CA11: variants seen among roughly 807,000 people sequenced by gnomAD.
CA11 encodes the protein carbonic anhydrase 11 (inactive), also known as carbonic anhydrase-related protein 11.
CA11 carries 20 observed loss-of-function variants against 39.3 expected under a neutral mutation model. The ratio of observed to expected loss-of-function variants is 0.51; its 90% CI spans 0.36 to 0.74. CA11 has a LOEUF of 0.74. Among genes scored for constraint, CA11 ranks in the 30% least tolerant of loss-of-function variants. CA11 has a pLI of 0.00. For missense variants in CA11, 336 were observed against 424.6 expected (o/e 0.79, Z 1.83); for synonymous variants, 166 against 172.5 (o/e 0.96, Z 0.29).
chr19:48,645,749 A>C lies in CA11; in HGVS notation c.-117T>G. ...GACTTCCAGCTTTCCTCTCCTCCCC[A>C]CAGGGAGTCCCAGTTCCCCAAATGC... On this transcript the variant is annotated 5_prime_UTR_variant, in exon 1 of 9. Coordinates refer to ENST00000084798, the MANE Select transcript of CA11 (RefSeq NM_001217.5). The C allele has an allele frequency of 3.8e-6, 3 of 788,984 alleles. No homozygotes were observed. The highest frequency in any genetic ancestry group is 5.6e-6 in the Non-Finnish European group (3 of 531,022). 48.9% of individuals were successfully genotyped at this position (788,984 alleles called of 1,614,324 possible).
chr19:48,639,305 C>T lies in CA11; in HGVS notation c.795G>A (p.Gln265=). ...IDRALNITSL[Q]MHSLRLLSQN... ...AAGGGCGGTGCGGACAGAGGGTCACCTGAAGGGAGGTGATATTGAGGGCCC... is the reference window on the plus strand; with the variant it reads ...AAGGGCGGTGCGGACAGAGGGTCACTTGAAGGGAGGTGATATTGAGGGCCC... The change falls in exon 7 of 9, where the codon CAG becomes CAA. Residue 265 remains glutamine, a splice_region_variant and synonymous_variant. Transcript: ENST00000084798. 6.2e-7 allele frequency: 1 copy of T among 1,613,268 alleles called. No individual in the cohort carries two copies. Among genetic ancestry groups the T allele is most frequent in the South Asian group, 1.1e-5 (1 of 91,038 alleles).
intron 1 of CA11, 43 bp downstream of exon 1, chr19:48,645,523 C>A: frequency 6.3e-7 from 1 of 1,597,642 alleles, no homozygotes; most frequent in Admixed American, 1.7e-5. Flanking sequence ...ATCCCCACCT[C>A]CACCCTCCCT....
chr19:48,638,986 C>A lies in CA11; in HGVS notation c.863G>T (p.Ser288Ile). 1.9e-6 allele frequency: 3 copies of A among 1,613,918 alleles called. No individual in the cohort carries two copies. Among genetic ancestry groups the A allele is most frequent in the Non-Finnish European group, 2.5e-6 (3 of 1,179,952 alleles). Residue 288 changes from serine to isoleucine, a missense_variant, in exon 8 of 9, where the codon AGC becomes ATC. Physicochemically the swap from Ser to Ile is moderately radical, Grantham distance 142 (BLOSUM62 -2). Coordinates refer to ENST00000084798, the MANE Select transcript of CA11 (RefSeq NM_001217.5). Reference sequence around the variant, plus strand: ...GTGGGCCAAGGGCTGCAGGGGCCGGCTGTTACCGCTGAGGCTCTGGAAGAT... The same window carrying A: ...GTGGGCCAAGGGCTGCAGGGGCCGGATGTTACCGCTGAGGCTCTGGAAGAT... ...SQIFQSLSGN[S>I]RPLQPLAHRA...
At chr19:48,638,302 C>A in intron 8 of CA11, 158 bp from the exon 9 acceptor site, 1 of 1,181,104 alleles carries the variant, frequency 8.5e-7, no homozygotes, top group Non-Finnish European at 1.0e-6. Context: ...GGCTGAACCA[C>A]AAGAAGCCAA....
intron 3 of CA11, among the ~76,000 whole-genome samples, chr19:48,641,117 C>G (rs958696511): frequency 6.6e-6 from 1 of 151,884 alleles, no homozygotes; most frequent in Non-Finnish European, 1.5e-5. Context: ...GTAGCTGGGA[C>G]TACAGGTGTG....
intron 3 of CA11, among the ~76,000 whole-genome samples, chr19:48,642,568 T>A (rs950951331): frequency 6.6e-6 from 1 of 152,100 alleles, no homozygotes; most frequent in Non-Finnish European, 1.5e-5. Flanking sequence ...GCCAAACATA[T>A]AGTAAGTGCT....
Position 48,638,010 on chromosome 19 carries a change from T to C in CA11, c.*109A>G, listed in dbSNP as rs2030892829. On this transcript the variant is annotated 3_prime_UTR_variant, in exon 9 of 9. Transcript: ENST00000084798. ...CCCACCGCGCCTAGAATCAGACCACTGAGAAAACAGGAAGTATTCTGTCCC... is the reference window on the plus strand; with the variant it reads ...CCCACCGCGCCTAGAATCAGACCACCGAGAAAACAGGAAGTATTCTGTCCC... The C allele has an allele frequency of 2.6e-6, 2 of 764,164 alleles. No individual in the cohort carries two copies. Among genetic ancestry groups the C allele is most frequent in the East Asian group, 3.4e-5 (1 of 29,802 alleles). 47.3% of individuals were successfully genotyped at this position (764,164 alleles called of 1,614,324 possible). A position where few individuals can be genotyped will look rare whatever the true frequency, so the allele number is the denominator to read the frequency against.
intron 8 of CA11, 195 bp from the exon 9 acceptor site, chr19:48,638,339 A>G (rs2030916992): frequency 1.3e-6 from 1 of 798,716 alleles, no homozygotes. Context: ...GGACGTCCAG[A>G]TTCAGCAGTA....
At chr19:48,638,840 A>G (rs780343206) in intron 8 of CA11, 48 bp downstream of exon 8, 13 of 1,501,306 alleles carry the variant, frequency 8.7e-6, no homozygotes, top group Non-Finnish European at 1.2e-5. Context: ...GGAGACACAT[A>G]TAAGAGGGTT....
At chr19:48,639,926 G>A (rs748437008) in intron 4 of CA11, 43 bp from the exon 5 acceptor site, 1 of 1,581,188 alleles carries the variant, frequency 6.3e-7, no homozygotes, top group Admixed American at 1.7e-5. Context: ...CAGAAGGGGA[G>A]GAGAGCATGA....
At chr19:48,641,571 T>C (rs1014728324) in intron 3 of CA11, among the ~76,000 whole-genome samples, 1 of 152,190 alleles carries the variant, frequency 6.6e-6, no homozygotes, top group African/African-American at 2.4e-5. Context: ...CTGGGAGCTC[T>C]GAGGTGTCAT....
At chr19:48,645,535 G>A (rs1362770536) in intron 1 of CA11, 31 bp downstream of exon 1, 1 of 1,596,062 alleles carries the variant, frequency 6.3e-7, no homozygotes, top group African/African-American at 1.3e-5. Context: ...ACCCTCCCTC[G>A]GGGGCTCCTC....
intron 3 of CA11, among the ~76,000 whole-genome samples, chr19:48,642,512 A>C (rs2031119989): frequency 6.6e-6 from 1 of 152,198 alleles, no homozygotes; most frequent in Non-Finnish European, 1.5e-5. Flanking sequence ...AAATAAAATA[A>C]AATAAAAATA....
Position 48,645,738 on chromosome 19 carries a change from CTCTCCTCCCCACAGGGAGT to C in CA11, c.-125_-107del, listed in dbSNP as rs1238927163. The C allele has an allele frequency of 3.3e-6, 3 of 915,916 alleles. No individual in the cohort carries two copies. In the African/African-American group the frequency reaches 5.2e-5, roughly 16 times the overall value. 56.7% of individuals were successfully genotyped at this position (915,916 alleles called of 1,614,324 possible). ...TGTCCCTCCAGGACTTCCAGCTTTCCTCTCCTCCCCACAGGGAGTCCCAGTTCCCCAAATGCCAAAGCAG... is the reference window on the plus strand; with the variant it reads ...TGTCCCTCCAGGACTTCCAGCTTTCCCCCAGTTCCCCAAATGCCAAAGCAG... On this transcript the variant is annotated 5_prime_UTR_variant, in exon 1 of 9. Transcript: ENST00000084798.
At chr19:48,642,440 A>C (rs1297645866) in intron 3 of CA11, among the ~76,000 whole-genome samples, 2 of 152,214 alleles carry the variant, frequency 1.3e-5, no homozygotes, top group African/African-American at 4.8e-5. Context: ...CGGAGGTTGC[A>C]GTGATCTGAG....
At chr19:48,644,952 G>A (rs2031201727) in intron 2 of CA11, among the ~76,000 whole-genome samples, 1 of 152,118 alleles carries the variant, frequency 6.6e-6, no homozygotes, top group South Asian at 2.1e-4. Flanking sequence ...AGGCCCCAGT[G>A]CTACCAGCCT....
intron 3 of CA11, among the ~76,000 whole-genome samples, chr19:48,641,713 C>T (rs1427601782): frequency 6.6e-6 from 1 of 152,054 alleles, no homozygotes; most frequent in African/African-American, 2.4e-5. Flanking sequence ...GGTGCCATCA[C>T]AGCTCACTGC....
chr19:48,645,344 G>T, intron 2 of CA11, 59 bp downstream of exon 2: 1 of 1,463,918 alleles, frequency 6.8e-7, no homozygotes, highest in South Asian at 1.2e-5. Flanking sequence ...CCAGGTTCCT[G>T]AGTCTGAAGA....
Position 48,639,025 on chromosome 19 carries a change from T to C in CA11, c.824A>G (p.Asn275Ser). Reference protein sequence around the residue: ...QMHSLRLLSQNPPSQIFQSLS... With the variant: ...QMHSLRLLSQSPPSQIFQSLS... Reference sequence around the variant, plus strand: ...GCTCTGGAAGATCTGAGATGGAGGATTCTGGCTCAGGAGTCTCAGGGAGTG... The same window carrying C: ...GCTCTGGAAGATCTGAGATGGAGGACTCTGGCTCAGGAGTCTCAGGGAGTG... The change falls in exon 8 of 9, where the codon AAT becomes AGT. Residue 275 changes from asparagine (N) to serine (S), a missense_variant. By Grantham distance (46) the Asn-to-Ser change is conservative. Transcript: ENST00000084798. 3 of 1,613,842 alleles carry C rather than the reference T, an allele frequency of 1.9e-6. No individual in the cohort carries two copies. The highest frequency in any genetic ancestry group is 2.5e-6 in the Non-Finnish European group (3 of 1,179,906).
Sources: gnomAD v4.1 joint callset for allele counts (sites outside exome capture counted in the v4.1 genomes callset) on GRCh38, gnomAD v4.1.1 for gene constraint, MANE v1.5 for transcripts, NCBI Gene and HGNC (gene_info 2026-07-23, HGNC 2026-07-21) for gene names.